Variants in ZNF521 observed in about 807,000 individuals in gnomAD.
ZNF521 encodes zinc finger protein 521.
ZNF521 carries 14 observed loss-of-function variants against 105.5 expected under a neutral mutation model. The observed-to-expected ratio is 0.13, with a 90% CI of 0.09 to 0.21. The LOEUF (loss-of-function observed/expected upper bound fraction) is 0.21. ZNF521 is among the 10% of genes least tolerant of loss of function. The pLI is 1.00. For missense variants in ZNF521, 1,233 were observed against 1,629.7 expected, an observed-to-expected ratio of 0.76 and a Z score of 4.19; for synonymous variants, 635 against 606.0, an observed-to-expected ratio of 1.05 and a Z score of -0.70.
intron 5 of ZNF521, among the ~76,000 whole-genome samples, chr18:25,116,979 A>ATG (rs2144328003): frequency 6.9e-6 from 1 of 145,900 alleles, no homozygotes; most frequent in African/African-American, 2.5e-5. Context: ...ATATGTATAT[A>ATG]TATATACACA....
intron 5 of ZNF521, among the ~76,000 whole-genome samples, chr18:25,116,923 G>GTA (rs35050905): frequency 0.046 from 6,208 of 133,600 alleles, 241 homozygotes; most frequent in East Asian, 0.12. Flanking sequence ...GTATATCTAT[G>GTA]TATATATATA....
rs1476586857 is a variant in ZNF521 at position 25,089,638 on chromosome 18, C to T, written c.3791-58G>A. 55 of 1,403,412 alleles carry T rather than the reference C, an allele frequency of 3.9e-5. No individual in the cohort carries two copies. In the East Asian group the frequency reaches 6.4e-4, roughly 16 times the overall value. 86.9% of individuals were successfully genotyped at this position (1,403,412 alleles called of 1,614,324 possible). On this transcript the variant is annotated intron_variant, in intron 6 of 7. Coordinates refer to ENST00000361524, the MANE Select transcript of ZNF521 (RefSeq NM_015461.3). ...ATTTTGTTTCCGAAATGCCCTCAGTCGATGACTCTGCATGAACAGACAGCA... is the reference window on the plus strand; with the variant it reads ...ATTTTGTTTCCGAAATGCCCTCAGTTGATGACTCTGCATGAACAGACAGCA...
chr18:25,205,555 A>G (rs2144666937), intron 4 of ZNF521, among the ~76,000 whole-genome samples: 1 of 152,276 alleles, frequency 6.6e-6, no homozygotes, highest in African/African-American at 2.4e-5. Flanking sequence ...CGGCTGGTAG[A>G]TATCAAGGAT....
rs1394829854 is a variant in ZNF521 at position 25,227,228 on chromosome 18, G to A, written c.690C>T (p.Gly230=). Residue 230 remains glycine (G), a synonymous_variant, in exon 4 of 8, where the codon GGC becomes GGT. Transcript: ENST00000361524. The surrounding 1 kb of genome is among the most constrained non-coding windows in gnomAD (Gnocchi z 5.7). Reference sequence around the variant, plus strand: ...CCTCCATCCTGGAACCGGACTGAGAGCCGTCCTTGTTCCTCTCATGAACCT... The same window carrying A: ...CCTCCATCCTGGAACCGGACTGAGAACCGTCCTTGTTCCTCTCATGAACCT... ...HMQVHERNKD[G]SQSGSRMEDW... is the part of the protein sequence containing the mutation. The A allele has an allele frequency of 1.6e-5, 26 of 1,614,188 alleles. No homozygotes were observed. The highest frequency in any genetic ancestry group is 2.2e-5 in the Non-Finnish European group (26 of 1,180,022).
At chr18:25,210,172 A>T (rs1898114850) in intron 4 of ZNF521, among the ~76,000 whole-genome samples, 1 of 152,214 alleles carries the variant, frequency 6.6e-6, no homozygotes, top group African/African-American at 2.4e-5. Flanking sequence ...GTTTAGCAAG[A>T]ATTTTCATAG....
At chr18:25,063,983 A>T (rs1473790254) in intron 7 of ZNF521, among the ~76,000 whole-genome samples, 1 of 152,210 alleles carries the variant, frequency 6.6e-6, no homozygotes. Context: ...GATTATTTGT[A>T]GGCCTGGCTC....
intron 7 of ZNF521, among the ~76,000 whole-genome samples, chr18:25,067,730 T>A (rs1260465214): frequency 6.6e-6 from 1 of 152,194 alleles, no homozygotes; most frequent in Non-Finnish European, 1.5e-5. Flanking sequence ...GGGGAACCTA[T>A]CTTCCTAGAG....
chr18:25,291,082 C>T (rs1281803855), intron 3 of ZNF521, among the ~76,000 whole-genome samples: 1 of 152,036 alleles, frequency 6.6e-6, no homozygotes, highest in South Asian at 2.1e-4. Flanking sequence ...AATACACTTG[C>T]CAAATGACTG....
chr18:25,117,080 C>T (rs35542195), intron 5 of ZNF521, among the ~76,000 whole-genome samples: 2,362 of 102,100 alleles, frequency 0.023, 77 homozygotes, highest in African/African-American at 0.074. Context: ...CACACACACA[C>T]ACATACACAC....
intron 5 of ZNF521, among the ~76,000 whole-genome samples, chr18:25,184,739 C>T (rs2035691586): frequency 6.6e-6 from 1 of 152,166 alleles, no homozygotes; most frequent in Non-Finnish European, 1.5e-5. Flanking sequence ...AGTTTGAATG[C>T]TGCGCAACAG....
chr18:25,069,699 A>G (rs1408814691), intron 7 of ZNF521, among the ~76,000 whole-genome samples: 1 of 152,242 alleles, frequency 6.6e-6, no homozygotes, highest in Non-Finnish European at 1.5e-5. Context: ...ACAAATATAC[A>G]GTATTTTCCC....
chr18:25,195,651 G>A (rs563745023), intron 4 of ZNF521, among the ~76,000 whole-genome samples: 1 of 151,614 alleles, frequency 6.6e-6, no homozygotes, highest in African/African-American at 2.4e-5. Flanking sequence ...CATAACTGGG[G>A]TGTTGCTTCT....
chr18:25,147,851 A>T (rs971622330), intron 5 of ZNF521, among the ~76,000 whole-genome samples: 8 of 152,146 alleles, frequency 5.3e-5, no homozygotes, highest in African/African-American at 1.7e-4. Context: ...CAAGCATTTT[A>T]ACTGATCTTT....
chr18:25,333,500 C>T (rs892338728), intron 2 of ZNF521, among the ~76,000 whole-genome samples: 1 of 151,982 alleles, frequency 6.6e-6, no homozygotes, highest in Admixed American at 6.6e-5. Flanking sequence ...CATTTGAAAC[C>T]TTACATTTAG....
intron 5 of ZNF521, among the ~76,000 whole-genome samples, chr18:25,115,006 G>T (rs906302643): frequency 2.0e-5 from 3 of 151,664 alleles, no homozygotes; most frequent in African/African-American, 7.3e-5. Flanking sequence ...TTATAAATTT[G>T]CTGTTTTCTA....
intron 2 of ZNF521, among the ~76,000 whole-genome samples, chr18:25,338,658 C>G (rs191803493): frequency 1.3e-5 from 2 of 152,114 alleles, no homozygotes; most frequent in Non-Finnish European, 2.9e-5. Flanking sequence ...GCGATCCCCC[C>G]GCCTCAGTCT....
At chr18:25,339,693 T>C (rs1568087565) in intron 2 of ZNF521, among the ~76,000 whole-genome samples, 1 of 152,180 alleles carries the variant, frequency 6.6e-6, no homozygotes, top group Non-Finnish European at 1.5e-5. Flanking sequence ...CATTGTAGGT[T>C]ACGGGGATTC....
chr18:25,157,008 G>A (rs1271061820), intron 5 of ZNF521, among the ~76,000 whole-genome samples: 1 of 152,074 alleles, frequency 6.6e-6, no homozygotes, highest in Non-Finnish European at 1.5e-5. Flanking sequence ...AGACCAGCCT[G>A]GCCAACATGA....
intron 5 of ZNF521, among the ~76,000 whole-genome samples, chr18:25,142,043 C>T (rs543921745): frequency 7.6e-4 from 115 of 152,260 alleles, no homozygotes; most frequent in African/African-American, 2.6e-3. Flanking sequence ...TAGCTTAAGA[C>T]ACTAAATGTT....
Sources: allele counts gnomAD v4.1 joint callset (sites outside exome capture counted in the v4.1 genomes callset), GRCh38; gene constraint gnomAD v4.1.1; non-coding constraint Gnocchi (gnomAD v3.1); transcripts MANE v1.5; gene names NCBI Gene and HGNC (gene_info 2026-07-23, HGNC 2026-07-21).